Variants in MYO9A observed in about 807,000 individuals in gnomAD.
MYO9A encodes unconventional myosin-IXa.
A neutral mutation model predicts 293.3 loss-of-function variants in MYO9A; 103 were observed. That is an observed-to-expected ratio of 0.35 (90% CI 0.30 to 0.41). MYO9A has a LOEUF of 0.41. Among genes scored for constraint, MYO9A ranks in the 10% least tolerant of loss-of-function variants. The pLI is 1.00. For missense variants in MYO9A, 2,685 were observed against 3,033.0 expected (o/e 0.89, Z 2.69); for synonymous variants, 1,001 against 1,035.7 (o/e 0.97, Z 0.64).
Position 71,862,498 on chromosome 15 carries a change from A to C in MYO9A, c.6091+2T>G. 1 of 1,579,962 alleles carries C rather than the reference A, an allele frequency of 6.3e-7. No individual in the cohort carries two copies. The highest frequency in any genetic ancestry group is 8.7e-7 in the Non-Finnish European group (1 of 1,149,402). The stretch of plus-strand genomic sequence containing the variant: ...TATTCCTCAAAGATCTCTCATACTT[A>C]CATTTGCAAACAGAGGCTCGGTCCA... On this transcript the variant is annotated splice_donor_variant, in intron 33 of 41. Transcript: ENST00000356056. LOFTEE classifies it high-confidence loss of function.
intron 27 of MYO9A, among the ~76,000 whole-genome samples, chr15:71,886,588 T>C (rs543985707): frequency 6.6e-6 from 1 of 152,266 alleles, no homozygotes; most frequent in East Asian, 1.9e-4. Context: ...TTGGGGAAGG[T>C]CAGCCAGCTA....
rs975634509 is a variant in MYO9A at position 71,994,931 on chromosome 15, C to A, written c.1471-346G>T. 3.3e-5 allele frequency among the ~76,000 whole-genome samples: 5 copies of A among 152,268 alleles called. No homozygotes were observed. In the South Asian group the frequency reaches 1.0e-3, roughly 32 times the overall value. On this transcript the variant is annotated intron_variant, in intron 9 of 41. Coordinates refer to ENST00000356056, the MANE Select transcript of MYO9A (RefSeq NM_006901.4). The stretch of plus-strand genomic sequence containing the variant: ...ATTTTTAGTAGAAACGGGGTTTCTC[C>A]ATGTTGGTCAGGCTGGTCTCAAATT...
chr15:71,916,429 T>G lies in MYO9A; in HGVS notation c.2626A>C (p.Lys876Gln). The G allele has an allele frequency of 1.2e-6, 2 of 1,613,712 alleles. No individual in the cohort carries two copies. The highest frequency in any genetic ancestry group is 8.5e-7 in the Non-Finnish European group (1 of 1,179,836). The change falls in exon 19 of 42, where the codon AAG becomes CAG. Residue 876 changes from lysine to glutamine, a missense_variant. By Grantham distance (53) the Lys-to-Gln change is moderately conservative (BLOSUM62 1). Around this residue, in one of 10 missense-constraint regions of MYO9A, gnomAD observed 1,434 missense variants for 1,497.7 expected, o/e 0.96. Transcript: ENST00000356056. ...TTCTTGTGTAAATGAAGAAGAGACT[T>G]GGTAATGCGATCTTGTAGTGTCAGT... ...TRLTLQDRIT[K>Q]SLLHLHKKKK... is the part of the protein sequence containing the mutation.
At chr15:72,037,748 C>A (rs1389669711) in intron 2 of MYO9A, among the ~76,000 whole-genome samples, 1 of 152,090 alleles carries the variant, frequency 6.6e-6, no homozygotes, top group East Asian at 1.9e-4. Flanking sequence ...TTTTGAGGTG[C>A]CACATCATTA....
intron 13 of MYO9A, among the ~76,000 whole-genome samples, chr15:71,966,829 T>C (rs1396655147): frequency 6.6e-6 from 1 of 152,210 alleles, no homozygotes; most frequent in African/African-American, 2.4e-5. Context: ...ACACAAGTCG[T>C]ATCCTCTGCT....
intron 32 of MYO9A, among the ~76,000 whole-genome samples, chr15:71,870,439 T>C (rs1312084194): frequency 6.6e-6 from 1 of 152,212 alleles, no homozygotes; most frequent in Non-Finnish European, 1.5e-5. Context: ...TTTAGAGTCA[T>C]GTGTATATAG....
chr15:71,848,201 TAATC>T (rs2055475144), intron 39 of MYO9A, among the ~76,000 whole-genome samples: 1 of 151,222 alleles, frequency 6.6e-6, no homozygotes. Context: ...CAATGACCAC[TAATC>T]AATAAGGCTG....
At chr15:71,937,454 A>G (rs962094129) in intron 16 of MYO9A, among the ~76,000 whole-genome samples, 1 of 152,182 alleles carries the variant, frequency 6.6e-6, no homozygotes, top group African/African-American at 2.4e-5. Flanking sequence ...CAAAAAGATT[A>G]TGACTCACTG....
At chr15:72,071,500 G>A (rs1015059680) in intron 1 of MYO9A, among the ~76,000 whole-genome samples, 1 of 152,174 alleles carries the variant, frequency 6.6e-6, no homozygotes, top group Non-Finnish European at 1.5e-5. Context: ...CAGCACTTTG[G>A]CAGGCCAAGG....
chr15:72,050,060 C>T (rs1284107008), intron 1 of MYO9A, among the ~76,000 whole-genome samples: 3 of 152,208 alleles, frequency 2.0e-5, no homozygotes, highest in African/African-American at 7.2e-5. Flanking sequence ...CCTGCTCCTT[C>T]CTGAAACAGA....
At chr15:71,954,209 TTC>T (rs2059127058) in intron 14 of MYO9A, among the ~76,000 whole-genome samples, 1 of 151,510 alleles carries the variant, frequency 6.6e-6, no homozygotes. Flanking sequence ...CAACTCTTTT[TTC>T]TTTTTTTAAG....
intron 17 of MYO9A, among the ~76,000 whole-genome samples, chr15:71,934,578 C>T (rs1423578179): frequency 1.7e-4 from 25 of 151,238 alleles, no homozygotes; most frequent in Non-Finnish European, 7.4e-5. Flanking sequence ...CATGTTAATG[C>T]TAATAACTAA....
In MYO9A at chr15:72,049,381, T is replaced by C. The variant is rs188676585; in HGVS notation, c.-71-2747A>G. Reference sequence around the variant, plus strand: ...CTGAGTTACCAGGTTCCTAGTTGTATAGCTATGTTTGCTTTCCTGAATCCC... The same window carrying C: ...CTGAGTTACCAGGTTCCTAGTTGTACAGCTATGTTTGCTTTCCTGAATCCC... On this transcript the variant is annotated intron_variant, in intron 1 of 41. Transcript: ENST00000356056. Among the ~76,000 whole-genome samples the C allele has an allele frequency of 5.4e-3, 818 of 152,346 alleles. 7 individuals are homozygous for C. The highest frequency in any genetic ancestry group is 8.6e-3 in the Non-Finnish European group (586 of 68,040).
chr15:71,968,155 T>C (rs760649218), intron 12 of MYO9A, 30 bp from the exon 13 acceptor site: 14 of 1,522,752 alleles, frequency 9.2e-6, no homozygotes, highest in Non-Finnish European at 1.2e-5. Flanking sequence ...AAAAATATCA[T>C]TACAGAAAGA....
At chr15:71,940,875 T>C (rs2058755755) in intron 15 of MYO9A, among the ~76,000 whole-genome samples, 1 of 151,962 alleles carries the variant, frequency 6.6e-6, no homozygotes, top group Non-Finnish European at 1.5e-5. Context: ...GAGTTATGAC[T>C]ACGCCATCTC....
intron 11 of MYO9A, among the ~76,000 whole-genome samples, chr15:71,981,017 C>T (rs1420309302): frequency 6.6e-6 from 1 of 152,100 alleles, no homozygotes; most frequent in Non-Finnish European, 1.5e-5. Flanking sequence ...GGAATAGCTA[C>T]ACAGTTTTAT....
intron 1 of MYO9A, among the ~76,000 whole-genome samples, chr15:72,071,260 G>A (rs2079181355): frequency 6.6e-6 from 1 of 152,096 alleles, no homozygotes; most frequent in Non-Finnish European, 1.5e-5. Context: ...CTTCTCAAAA[G>A]ATGACATACA....
rs375996183 is a variant in MYO9A, at chr15:72,019,115, G to A, written c.1099-20C>T. ...TGTTATCTGAAAGTAAGGCAGATTAGTTAGGTAGAAGTAATGGTTATTATA... is the reference window on the plus strand; with the variant it reads ...TGTTATCTGAAAGTAAGGCAGATTAATTAGGTAGAAGTAATGGTTATTATA... On this transcript the variant is annotated intron_variant, in intron 5 of 41. Coordinates refer to ENST00000356056, the MANE Select transcript of MYO9A (RefSeq NM_006901.4). 18 of 1,599,886 alleles carry A rather than the reference G, an allele frequency of 1.1e-5. No individual in the cohort carries two copies. In the African/African-American group the frequency reaches 1.9e-4, roughly 17 times the overall value.
chr15:72,028,263 A>G (rs2077745245), intron 3 of MYO9A, among the ~76,000 whole-genome samples: 1 of 148,096 alleles, frequency 6.8e-6, no homozygotes, highest in Non-Finnish European at 1.5e-5. Context: ...ACATACTATT[A>G]TAATTGTGGT....
Sources: gnomAD v4.1 joint callset for allele counts (sites outside exome capture counted in the v4.1 genomes callset) on GRCh38, gnomAD v4.1.1 for gene constraint, gnomAD v4.1.1 regional missense constraint, MANE v1.5 for transcripts, NCBI Gene and HGNC (gene_info 2026-07-23, HGNC 2026-07-21) for gene names.